The following C4orf51 variants were observed in gnomAD, a reference collection of about 807,000 sequenced individuals.
The protein encoded by C4orf51 is uncharacterized protein C4orf51.
In C4orf51, 25 loss-of-function variants were observed where a neutral mutation model predicts 25.2. The ratio of observed to expected loss-of-function variants is 0.99; its 90% CI spans 0.72 to 1.39. The LOEUF (loss-of-function observed/expected upper bound fraction) is 1.39, where lower values mean the gene tolerates loss of function less well. Among genes scored for constraint, C4orf51 ranks in the 40% most tolerant of loss-of-function variants. The pLI, the probability that C4orf51 is intolerant of heterozygous loss-of-function variation, is 0.00. For synonymous variants in C4orf51, 100 were observed against 84.5 expected (o/e 1.18, Z -1.01); for missense variants, 252 against 239.6 (o/e 1.05, Z -0.34).
intron 1 of C4orf51, among the ~76,000 whole-genome samples, chr4:145,769,110 G>C (rs1735854395): frequency 6.6e-6 from 1 of 151,440 alleles, no homozygotes; most frequent in Non-Finnish European, 1.5e-5. Flanking sequence ...TTTCCTGTCA[G>C]AACTGCACTT....
At chr4:145,720,941 C>T (rs926625318) in intron 2 of C4orf51, among the ~76,000 whole-genome samples, 32 of 152,332 alleles carry the variant, frequency 2.1e-4, no homozygotes, top group African/African-American at 7.0e-4. Flanking sequence ...TCACTCACCA[C>T]GGCGTGAGCT....
At chr4:145,703,491 C>A (rs1020490758) in intron 2 of C4orf51, among the ~76,000 whole-genome samples, 8 of 152,204 alleles carry the variant, frequency 5.3e-5, no homozygotes, top group African/African-American at 1.9e-4. Context: ...TCTCTTCACA[C>A]GGACGCGCAT....
chr4:145,692,978 T>TTTTTTTC (rs1242140924), intron 1 of C4orf51, among the ~76,000 whole-genome samples: 6 of 122,872 alleles, frequency 4.9e-5, no homozygotes, highest in African/African-American at 1.6e-4. Flanking sequence ...TTTTTTTTTT[T>TTTTTTTC]TGTAAGTCCC....
intron 1 of C4orf51, among the ~76,000 whole-genome samples, chr4:145,693,437 C>A (rs1277739478): frequency 6.6e-6 from 1 of 152,120 alleles, no homozygotes; most frequent in Non-Finnish European, 1.5e-5. Context: ...TACTTCCTTC[C>A]ACACAGACAC....
downstream of C4orf51, among the ~76,000 whole-genome samples, chr4:145,736,165 A>G (rs6537371): frequency 0.97 from 146,741 of 151,946 alleles, 70,905 homozygotes; most frequent in East Asian, 1. Context: ...AGGATTTGAC[A>G]AACTGGGAGG....
At chr4:145,740,223 C>T (rs1733018210) in intron 1 of C4orf51, among the ~76,000 whole-genome samples, 2 of 120,534 alleles carry the variant, frequency 1.7e-5, no homozygotes, top group African/African-American at 3.4e-5. Flanking sequence ...CAAATTATAG[C>T]TATCTCTCCC....
intron 2 of C4orf51, among the ~76,000 whole-genome samples, chr4:145,701,854 G>A (rs892414727): frequency 1.6e-4 from 25 of 151,888 alleles, no homozygotes; most frequent in Admixed American, 2.6e-4. Flanking sequence ...TTATTAGGCC[G>A]AGATATTTTA....
rs1735084657 is a variant in C4orf51, at chr4:145,765,134, G to A, written n.167-5854G>A. 1 of 1,613,286 alleles carries A rather than the reference G, an allele frequency of 6.2e-7. No individual in the cohort carries two copies. The highest frequency in any genetic ancestry group is 1.1e-5 in the South Asian group (1 of 90,910). On this transcript the variant is annotated intron_variant and non_coding_transcript_variant, in intron 1 of 1. Coordinates refer to the C4orf51 transcript ENST00000510096. This position sits in a 1 kb window ranked among gnomAD's most constrained non-coding sequence, Gnocchi z 4.7. ...GACGCTCAAACATGTTCTTCGTCTTGCAGACAAAGTTGCAAAAAACACATT... is the reference window on the plus strand; with the variant it reads ...GACGCTCAAACATGTTCTTCGTCTTACAGACAAAGTTGCAAAAAACACATT...
intron 1 of C4orf51, among the ~76,000 whole-genome samples, chr4:145,738,475 T>C (rs1006040022): frequency 2.6e-5 from 4 of 151,374 alleles, no homozygotes; most frequent in Non-Finnish European, 5.9e-5. Flanking sequence ...TATATATATA[T>C]ATAGACACAC....
chr4:145,714,989 G>A (rs1432643623), intron 2 of C4orf51, among the ~76,000 whole-genome samples: 4 of 152,172 alleles, frequency 2.6e-5, no homozygotes, highest in African/African-American at 4.8e-5. Flanking sequence ...CTAGAGCAGC[G>A]CCCTAAAATG....
At position 145,761,773 on chromosome 4, in the gene C4orf51, C is replaced by A. The variant is rs1174509384; in HGVS notation, n.167-9215C>A. On this transcript the variant is annotated intron_variant and non_coding_transcript_variant, in intron 1 of 1. Coordinates refer to the C4orf51 transcript ENST00000510096. The surrounding 1 kb of genome is among the most constrained non-coding windows in gnomAD (Gnocchi z 6.8). ...GGTGGAACGGCCCTTTTTGGCTCTC[C>A]CTGCTGACAGAGCAGTCCCCGCTGA... Among the ~76,000 whole-genome samples, 2 of 152,216 alleles carry A rather than the reference C, an allele frequency of 1.3e-5. No individual in the cohort carries two copies. The highest frequency in any genetic ancestry group is 2.9e-5 in the Non-Finnish European group (2 of 68,030).
At chr4:145,716,824 A>T (rs1336891830) in intron 2 of C4orf51, among the ~76,000 whole-genome samples, 4 of 152,210 alleles carry the variant, frequency 2.6e-5, no homozygotes, top group Non-Finnish European at 4.4e-5. Flanking sequence ...AGCATAGTAC[A>T]TCTGAGGAGG....
chr4:145,691,330 T>C (rs1296580263), intron 1 of C4orf51, among the ~76,000 whole-genome samples: 1 of 152,182 alleles, frequency 6.6e-6, no homozygotes, highest in Non-Finnish European at 1.5e-5. Flanking sequence ...AGGGAACATT[T>C]ATACACTGTT....
chr4:145,791,618 A>G, the C4orf51 span, among the ~76,000 whole-genome samples: 11 of 152,312 alleles, frequency 7.2e-5, no homozygotes, highest in South Asian at 2.3e-3. Flanking sequence ...ATCATTCTCA[A>G]TAATTTGAAT....
At chr4:145,783,012 T>C in the C4orf51 span, among the ~76,000 whole-genome samples, 4 of 152,206 alleles carry the variant, frequency 2.6e-5, no homozygotes, top group Admixed American at 6.5e-5. Flanking sequence ...GGAACTTTTA[T>C]GAATATTTCC....
At chr4:145,698,417 A>G (rs895877890) in intron 2 of C4orf51, among the ~76,000 whole-genome samples, 2 of 152,260 alleles carry the variant, frequency 1.3e-5, no homozygotes, top group Non-Finnish European at 2.9e-5. Context: ...AACTCAAAGC[A>G]TGTGCTACCA....
intron 2 of C4orf51, among the ~76,000 whole-genome samples, chr4:145,722,689 C>T: frequency 6.6e-6 from 1 of 152,262 alleles, no homozygotes; most frequent in African/African-American, 2.4e-5. Context: ...TTGTACCAGT[C>T]CATGGCCTGT....
the C4orf51 span, among the ~76,000 whole-genome samples, chr4:145,791,157 G>C: frequency 5.3e-5 from 8 of 152,312 alleles, no homozygotes; most frequent in Admixed American, 4.6e-4. Context: ...TTTTCTCACA[G>C]TTCTGGAGGC....
At chr4:145,729,381 A>C (rs987443668) in intron 4 of C4orf51, among the ~76,000 whole-genome samples, 152 bp downstream of exon 4, 7 of 136,204 alleles carry the variant, frequency 5.1e-5, no homozygotes, top group African/African-American at 2.0e-4. Context: ...GGCTCACTGC[A>C]AGCTCTGCCT....
Sources: gnomAD v4.1 joint callset for allele counts (sites outside exome capture counted in the v4.1 genomes callset) on GRCh38, gnomAD v4.1.1 for gene constraint, Gnocchi (gnomAD v3.1) non-coding constraint, MANE v1.5 for transcripts, NCBI Gene and HGNC (gene_info 2026-07-23, HGNC 2026-07-21) for gene names.